Variants in PPP3R1 observed in about 807,000 individuals in gnomAD.
The protein encoded by PPP3R1 is calcineurin subunit B type 1.
A neutral mutation model predicts 22.6 loss-of-function variants in PPP3R1; 5 were observed. The ratio of observed to expected loss-of-function variants is 0.22; its 90% CI spans 0.12 to 0.46. The LOEUF is 0.46. PPP3R1 is among the 20% of genes least tolerant of loss of function. The pLI is 0.99. For missense variants in PPP3R1, 61 were observed against 203.2 expected (o/e 0.30, Z 4.25); for synonymous variants, 56 against 65.2 (o/e 0.86, Z 0.68).
chr2:68,188,822 T>A, intron 2 of PPP3R1, 132 bp from the exon 3 acceptor site: 1 of 694,226 alleles, frequency 1.4e-6, no homozygotes, highest in Non-Finnish European at 2.3e-6. Context: ...AGTTATCCAA[T>A]AGTTTAATTT....
intron 2 of PPP3R1, among the ~76,000 whole-genome samples, chr2:68,198,817 T>C (rs1339090527): frequency 2.0e-5 from 3 of 152,204 alleles, no homozygotes; most frequent in East Asian, 1.9e-4. Context: ...GAATGCGGTA[T>C]ATATCTTCAT....
Position 68,182,653 on chromosome 2 carries a change from T to A in PPP3R1, c.466-1643A>T, listed in dbSNP as rs959104093. The stretch of plus-strand genomic sequence containing the variant: ...CAACATGGTGAAACCAGGTCTCTAA[T>A]ACTTAAAAAAAAAAAAAAAAAAGAT... On this transcript the variant is annotated intron_variant, in intron 5 of 5. Transcript: ENST00000234310. Among the ~76,000 whole-genome samples, 196 of 66,032 alleles carry A rather than the reference T, an allele frequency of 3.0e-3. 3 individuals carry two copies. The highest frequency in any genetic ancestry group is 0.018 in the African/African-American group (176 of 10,052). The allele number at this position is 66,032 out of a possible 152,430, so 43.3% of individuals were successfully genotyped here.
intron 2 of PPP3R1, among the ~76,000 whole-genome samples, chr2:68,193,045 G>A (rs1391179803): frequency 6.6e-6 from 1 of 152,054 alleles, no homozygotes. Flanking sequence ...TCACTCCCTG[G>A]CAAAGGCCCT....
intron 1 of PPP3R1, among the ~76,000 whole-genome samples, chr2:68,232,145 A>ATTATATACATAT (rs1669920993): frequency 9.5e-6 from 1 of 105,170 alleles, no homozygotes; most frequent in East Asian, 3.3e-4. Context: ...ACACATATAT[A>ATTATATACATAT]TGTATATATA....
chr2:68,213,941 G>A (rs758628809), intron 2 of PPP3R1, among the ~76,000 whole-genome samples: 3 of 152,088 alleles, frequency 2.0e-5, no homozygotes, highest in Non-Finnish European at 4.4e-5. Context: ...AAACAGCATG[G>A]TACTGGTACA....
At chr2:68,220,540 C>A (rs1425248627) in intron 1 of PPP3R1, among the ~76,000 whole-genome samples, 1 of 152,124 alleles carries the variant, frequency 6.6e-6, no homozygotes, top group Admixed American at 6.5e-5. Context: ...TCTTTACTTA[C>A]CTTAAGAAAG....
intron 1 of PPP3R1, 72 bp from the exon 2 acceptor site, chr2:68,217,203 T>C (rs1669596413): frequency 9.1e-7 from 1 of 1,104,776 alleles, no homozygotes; most frequent in South Asian, 1.5e-5. Context: ...ACCTAAATAT[T>C]TTAAGTCAAA....
chr2:68,220,390 A>C (rs1328677563), intron 1 of PPP3R1, among the ~76,000 whole-genome samples: 1 of 152,244 alleles, frequency 6.6e-6, no homozygotes, highest in Non-Finnish European at 1.5e-5. Flanking sequence ...AACTAGTAGC[A>C]GGTTGAATAA....
In PPP3R1 at chr2:68,223,700, T is replaced by A. The variant is rs373766461; in HGVS notation, c.4-6569A>T. 2.6e-5 allele frequency among the ~76,000 whole-genome samples: 4 copies of A among 151,660 alleles called. No individual in the cohort carries two copies. In the East Asian group the frequency reaches 5.8e-4, roughly 22 times the overall value. On this transcript the variant is annotated intron_variant, in intron 1 of 5. Coordinates refer to ENST00000234310, the MANE Select transcript of PPP3R1 (RefSeq NM_000945.4). ...AGCAAACTAGGACTATTTCTCTATCTATAAAAGGTTATCTACAAAAATTCT... is the reference window on the plus strand; with the variant it reads ...AGCAAACTAGGACTATTTCTCTATCAATAAAAGGTTATCTACAAAAATTCT...
In PPP3R1 at chr2:68,230,011, C is replaced by CACACACACACAT. The variant is rs1421392496; in HGVS notation, c.4-12881_4-12880insATGTGTGTGTGT. ...ACACACACACACACACACACACACACATATATATTTGGAGACAGGCTGTCA... is the reference window on the plus strand; with the variant it reads ...ACACACACACACACACACACACACACACACACACACATATATATATTTGGAGACAGGCTGTCA... On this transcript the variant is annotated intron_variant, in intron 1 of 5. Coordinates refer to ENST00000234310, the MANE Select transcript of PPP3R1 (RefSeq NM_000945.4). Among the ~76,000 whole-genome samples, 287 of 139,622 alleles carry CACACACACACAT rather than the reference C, an allele frequency of 2.1e-3. 2 individuals carry two copies. The highest frequency in any genetic ancestry group is 7.6e-3 in the African/African-American group (278 of 36,442). 91.6% of individuals were successfully genotyped at this position (139,622 alleles called of 152,430 possible).
chr2:68,230,842 T>A (rs913267938), intron 1 of PPP3R1, among the ~76,000 whole-genome samples: 1 of 152,218 alleles, frequency 6.6e-6, no homozygotes, highest in Admixed American at 6.5e-5. Context: ...TTCCTTCTGA[T>A]TAGAAACCTG....
At chr2:68,233,675 C>T (rs1248881728) in intron 1 of PPP3R1, among the ~76,000 whole-genome samples, 1 of 151,934 alleles carries the variant, frequency 6.6e-6, no homozygotes, top group Non-Finnish European at 1.5e-5. Flanking sequence ...AATCTGATAG[C>T]TTTTTTCTTC....
intron 5 of PPP3R1, among the ~76,000 whole-genome samples, chr2:68,186,074 G>A (rs1361893934): frequency 1.3e-5 from 2 of 152,102 alleles, no homozygotes; most frequent in East Asian, 3.9e-4. Context: ...CTCTACTCTG[G>A]ATGCTCTAGT....
chr2:68,223,778 G>A (rs1194225880), intron 1 of PPP3R1, among the ~76,000 whole-genome samples: 11 of 127,910 alleles, frequency 8.6e-5, no homozygotes. Flanking sequence ...ACAAGATAAA[G>A]ACATCTGCAC....
At chr2:68,187,553 T>A (rs1301694185) in intron 3 of PPP3R1, among the ~76,000 whole-genome samples, 6 of 152,184 alleles carry the variant, frequency 3.9e-5, no homozygotes, top group Non-Finnish European at 5.9e-5. Flanking sequence ...ATTTGTTAAG[T>A]GCAAGATAAA....
At chr2:68,202,189 A>G (rs1333255833) in intron 2 of PPP3R1, among the ~76,000 whole-genome samples, 2 of 152,164 alleles carry the variant, frequency 1.3e-5, no homozygotes, top group African/African-American at 4.8e-5. Flanking sequence ...AGAAAGATTC[A>G]AGAAGTTTTA....
chr2:68,209,701 C>T (rs1026627717), intron 2 of PPP3R1, among the ~76,000 whole-genome samples: 19 of 151,482 alleles, frequency 1.3e-4, no homozygotes, highest in Non-Finnish European at 2.4e-4. Context: ...CAGGCTGCAC[C>T]GAACCATGGT....
chr2:68,220,668 A>T (rs1669672001), intron 1 of PPP3R1, among the ~76,000 whole-genome samples: 1 of 152,260 alleles, frequency 6.6e-6, no homozygotes, highest in Non-Finnish European at 1.5e-5. Context: ...TAAGATTCAC[A>T]ATGTATGTAT....
At chr2:68,221,670 T>A (rs1669690645) in intron 1 of PPP3R1, among the ~76,000 whole-genome samples, 1 of 151,184 alleles carries the variant, frequency 6.6e-6, no homozygotes. Context: ...GAACTCTAAG[T>A]AGAAGAAACA....
Sources: gnomAD v4.1 joint callset for allele counts (sites outside exome capture counted in the v4.1 genomes callset) on GRCh38, gnomAD v4.1.1 for gene constraint, MANE v1.5 for transcripts, NCBI Gene and HGNC (gene_info 2026-07-23, HGNC 2026-07-21) for gene names.